Variants in ATOSA observed in about 807,000 individuals in gnomAD.
ATOSA encodes atos homolog protein A.
chr15:52,623,060 G>A, the ATOSA span, among the ~76,000 whole-genome samples: 1 of 152,002 alleles, frequency 6.6e-6, no homozygotes, highest in African/African-American at 2.4e-5. Context: ...TTGGGAGGCT[G>A]AGGCAGCAGG....
chr15:52,587,739 G>C, the ATOSA span: 1 of 152,382 alleles, frequency 6.6e-6, no homozygotes, highest in African/African-American at 2.4e-5. Flanking sequence ...GTTCCTGCCT[G>C]GTACTACTTT....
the ATOSA span, chr15:52,611,642 T>G: frequency 1.9e-6 from 3 of 1,614,010 alleles, no homozygotes; most frequent in Non-Finnish European, 2.5e-6. Context: ...GCAGGATCAT[T>G]TAGATCAATT....
chr15:52,630,093 T>C, the ATOSA span, among the ~76,000 whole-genome samples: 1 of 152,168 alleles, frequency 6.6e-6, no homozygotes, highest in South Asian at 2.1e-4. Flanking sequence ...CAAGTTCTTT[T>C]CCCAGACTCC....
chr15:52,690,173 G>A, the ATOSA span, among the ~76,000 whole-genome samples: 22 of 152,174 alleles, frequency 1.4e-4, no homozygotes, highest in African/African-American at 5.3e-4. Flanking sequence ...ATGTGTTATT[G>A]AATTAGATTC....
chr15:52,635,435 G>GT, the ATOSA span, among the ~76,000 whole-genome samples: 6 of 152,158 alleles, frequency 3.9e-5, no homozygotes, highest in African/African-American at 1.4e-4. Flanking sequence ...GCTCACACCT[G>GT]TAATGCCAGC....
chr15:52,613,263 G>A, the ATOSA span, among the ~76,000 whole-genome samples: 1 of 152,236 alleles, frequency 6.6e-6, no homozygotes, highest in Non-Finnish European at 1.5e-5. Flanking sequence ...CTACTCAGGA[G>A]GCTGAGACAG....
the ATOSA span, chr15:52,593,554 A>G: frequency 6.5e-7 from 1 of 1,534,174 alleles, no homozygotes; most frequent in Non-Finnish European, 8.8e-7. Context: ...TGGCAGGAAA[A>G]CATACAATAT....
the ATOSA span, among the ~76,000 whole-genome samples, chr15:52,688,370 A>T: frequency 6.6e-6 from 1 of 152,232 alleles, no homozygotes; most frequent in African/African-American, 2.4e-5. Flanking sequence ...ATGTGAACTA[A>T]AGCAATGGCA....
the ATOSA span, among the ~76,000 whole-genome samples, chr15:52,626,890 G>T: frequency 2.7e-3 from 416 of 152,242 alleles, 6 homozygotes; most frequent in African/African-American, 9.6e-3. Flanking sequence ...TGCCTATTCT[G>T]TAACAGTTAT....
chr15:52,686,895 A>G, the ATOSA span, among the ~76,000 whole-genome samples: 1 of 152,212 alleles, frequency 6.6e-6, no homozygotes, highest in South Asian at 2.1e-4. Flanking sequence ...TAGCCTTCTT[A>G]TTTCAACTTG....
the ATOSA span, among the ~76,000 whole-genome samples, chr15:52,703,106 A>G: frequency 6.6e-6 from 1 of 152,326 alleles, no homozygotes; most frequent in African/African-American, 2.4e-5. Flanking sequence ...ACACATAACA[A>G]TGTGGGTGAA....
chr15:52,590,278 T>A, the ATOSA span, among the ~76,000 whole-genome samples: 1 of 152,182 alleles, frequency 6.6e-6, no homozygotes, highest in Non-Finnish European at 1.5e-5. Flanking sequence ...ATAATGAAAG[T>A]CTTATTAGAA....
chr15:52,629,895 G>A, the ATOSA span, among the ~76,000 whole-genome samples: 1 of 151,792 alleles, frequency 6.6e-6, no homozygotes, highest in Non-Finnish European at 1.5e-5. Context: ...GAAGCAGCAG[G>A]GAGAAACAAA....
the ATOSA span, among the ~76,000 whole-genome samples, chr15:52,688,093 G>A: frequency 5.9e-5 from 9 of 152,292 alleles, no homozygotes; most frequent in Admixed American, 2.0e-4. Flanking sequence ...CAGCTGACCC[G>A]TAGATTCATA....
the ATOSA span, among the ~76,000 whole-genome samples, chr15:52,640,904 T>TA: frequency 6.6e-6 from 1 of 152,122 alleles, no homozygotes; most frequent in Non-Finnish European, 1.5e-5. Flanking sequence ...ATCAAAAAAT[T>TA]AAAAAAAGGA....
the ATOSA span, among the ~76,000 whole-genome samples, chr15:52,682,963 T>C: frequency 2.6e-5 from 4 of 152,322 alleles, no homozygotes; most frequent in African/African-American, 7.2e-5. Context: ...TTTTTTGAGG[T>C]TCCTGTTTGT....
At chr15:52,672,878 G>A in the ATOSA span, among the ~76,000 whole-genome samples, 1 of 152,050 alleles carries the variant, frequency 6.6e-6, no homozygotes, top group African/African-American at 2.4e-5. Flanking sequence ...GTATCTCTAC[G>A]TCAACCCCTT....
the ATOSA span, among the ~76,000 whole-genome samples, chr15:52,706,245 C>T: frequency 2.6e-5 from 4 of 152,084 alleles, no homozygotes; most frequent in African/African-American, 4.8e-5. Context: ...AACCAGTGAA[C>T]GCAATGTTCT....
chr15:52,626,687 TAAAC>T, the ATOSA span, among the ~76,000 whole-genome samples: 6 of 152,262 alleles, frequency 3.9e-5, no homozygotes, highest in Non-Finnish European at 8.8e-5. Context: ...AGGGGGGCCT[TAAAC>T]CTACGTCTCT....
Sources: allele counts gnomAD v4.1 joint callset (sites outside exome capture counted in the v4.1 genomes callset), GRCh38; gene constraint gnomAD v4.1.1; transcripts MANE v1.5; gene names NCBI Gene and HGNC (gene_info 2026-07-23, HGNC 2026-07-21).